GSS: variants seen among roughly 807,000 people sequenced by gnomAD.
The protein encoded by GSS is glutathione synthetase.
Under a neutral mutation model 60.4 loss-of-function variants are expected in GSS, and 34 were observed. The ratio of observed to expected loss-of-function variants is 0.56; its 90% confidence interval spans 0.43 to 0.75. GSS has a LOEUF of 0.75. GSS is among the 30% of genes least tolerant of loss of function. The probability of loss-of-function intolerance (pLI) is 0.00; values close to 1 mark genes in which losing one functional copy is unlikely to be tolerated. For missense variants in GSS, 499 were observed against 595.1 expected (o/e 0.84, Z 1.68); for synonymous variants, 224 against 239.0 (o/e 0.94, Z 0.58).
intron 5 of GSS, 135 bp from the exon 6 acceptor site, chr20:34,941,964 A>G (rs946879589): frequency 4.2e-6 from 3 of 721,928 alleles, no homozygotes; most frequent in Non-Finnish European, 7.7e-6. Context: ...ACATTCCTGT[A>G]AGATCCACTT....
intron 9 of GSS, among the ~76,000 whole-genome samples, chr20:34,933,085 A>G (rs542819017): frequency 7.2e-5 from 11 of 152,040 alleles, no homozygotes; most frequent in Admixed American, 2.6e-4. Flanking sequence ...AGCTCATGCA[A>G]TCCACCTACC....
intron 1 of GSS, 73 bp from the exon 2 acceptor site, chr20:34,951,933 G>A: frequency 2.0e-6 from 3 of 1,533,076 alleles, no homozygotes; most frequent in African/African-American, 2.7e-5. Flanking sequence ...CTGGCTGGCG[G>A]CCACCCCCAA....
chr20:34,955,502 C>A (rs1302328555), intron 1 of GSS: 2 of 152,402 alleles, frequency 1.3e-5, no homozygotes, highest in African/African-American at 4.8e-5. Flanking sequence ...GGCCTACATG[C>A]CCCGACACCG....
chr20:34,928,864 CG>C lies in GSS; in HGVS notation c.1388del (p.Ala463GlyfsTer49). ...AIEHADGGVAAGVAVLDNPYP... is the reference protein window; with the variant it reads ...AIEHADGGVAXGVAVLDNPYP... ...ATGGGTTGTCCAGGACTGCCACTCCCGCTGCCACACCACCATCTGCATGCTC... is the reference window on the plus strand; with the variant it reads ...ATGGGTTGTCCAGGACTGCCACTCCCCTGCCACACCACCATCTGCATGCTC... On this transcript the variant is annotated frameshift_variant, in exon 13 of 13. Coordinates refer to ENST00000651619, the MANE Select transcript of GSS (RefSeq NM_000178.4). LOFTEE classifies it high-confidence loss of function. The C allele has an allele frequency of 6.2e-7, 1 of 1,614,032 alleles. No homozygotes were observed. Among genetic ancestry groups the C allele is most frequent in the Non-Finnish European group, 8.5e-7 (1 of 1,180,018 alleles).
rs1296294384 is a variant in GSS at position 34,951,810 on chromosome 20, G to A, written c.43C>T (p.Leu15=). 6.2e-7 allele frequency: 1 copy of A among 1,614,178 alleles called. No individual in the cohort carries two copies. The highest frequency in any genetic ancestry group is 8.5e-7 in the Non-Finnish European group (1 of 1,180,002). ...ACGGCCTGCCGTGCCAGCTCCTCTA[G>A]CTGCTGTTTATCCTGCAAGAGGCTC... ...WGSLLQDKQQ[L]EELARQAVDR... The change falls in exon 2 of 13, where the codon CTA becomes TTA. Residue 15 remains leucine, a synonymous_variant. Coordinates refer to ENST00000651619, the MANE Select transcript of GSS (RefSeq NM_000178.4).
Position 34,937,043 on chromosome 20 carries a change from G to A in GSS, c.609-20C>T, listed in dbSNP as rs2081446608. Reference sequence around the variant, plus strand: ...AGAGCACTGGGGAAAGAGCACAGGTGGCCCGAGGCTACTATAGAACTTGTT... The same window carrying A: ...AGAGCACTGGGGAAAGAGCACAGGTAGCCCGAGGCTACTATAGAACTTGTT... On this transcript the variant is annotated intron_variant, in intron 6 of 12. Transcript: ENST00000651619. 6.3e-7 allele frequency: 1 copy of A among 1,576,300 alleles called. No individual in the cohort carries two copies. The highest frequency in any genetic ancestry group is 1.3e-5 in the African/African-American group (1 of 74,274).
chr20:34,931,605 G>T, intron 10 of GSS, 188 bp from the exon 11 acceptor site: 1 of 678,026 alleles, frequency 1.5e-6, no homozygotes. Context: ...CCGATGCAAT[G>T]AGAACAGGCC....
At chr20:34,953,592 T>C (rs926413799) in intron 1 of GSS, among the ~76,000 whole-genome samples, 3 of 150,850 alleles carry the variant, frequency 2.0e-5, no homozygotes, top group Admixed American at 6.6e-5. Context: ...TTTTCTTTCT[T>C]TCTCTCTCTC....
chr20:34,934,932 C>A (rs2081429458), intron 9 of GSS, among the ~76,000 whole-genome samples: 1 of 152,184 alleles, frequency 6.6e-6, no homozygotes, highest in Non-Finnish European at 1.5e-5. Context: ...GCTTCTTAGC[C>A]TCTCCATGAT....
chr20:34,929,379 G>C, intron 12 of GSS, 22 bp downstream of exon 12: 1 of 1,602,896 alleles, frequency 6.2e-7, no homozygotes, highest in Non-Finnish European at 8.5e-7. Flanking sequence ...GTAGTGGAAA[G>C]AGCTTCTCCT....
chr20:34,954,966 C>G (rs2081609032), intron 1 of GSS: 1 of 152,694 alleles, frequency 6.5e-6, no homozygotes, highest in Non-Finnish European at 1.5e-5. Flanking sequence ...ACTGTCATCT[C>G]TTCCCTGGGC....
chr20:34,931,815 C>A, intron 10 of GSS, 124 bp downstream of exon 10: 2 of 877,812 alleles, frequency 2.3e-6, no homozygotes, highest in Non-Finnish European at 1.9e-6. Context: ...TCCAGAGCAT[C>A]ACCAACCTTG....
chr20:34,932,069 T>C lies in GSS; in HGVS notation c.899A>G (p.Gln300Arg). 6.2e-7 allele frequency: 1 copy of C among 1,614,156 alleles called. No individual in the cohort carries two copies. Among genetic ancestry groups the C allele is most frequent in the South Asian group, 1.1e-5 (1 of 91,084 alleles). Residue 300 changes from glutamine (Q) to arginine (R), a missense_variant, in exon 10 of 13, where the codon CAG becomes CGG. Transcript: ENST00000651619. ...CTGCACCTTCTTAGTCCCAGCCAGCTGGGTGGCAATGTCTGGGCACTTGGC... is the reference window on the plus strand; with the variant it reads ...CTGCACCTTCTTAGTCCCAGCCAGCCGGGTGGCAATGTCTGGGCACTTGGC... ...HAAKCPDIAT[Q>R]LAGTKKVQQE...
chr20:34,936,503 A>G (rs1256098243), intron 8 of GSS, among the ~76,000 whole-genome samples: 1 of 152,214 alleles, frequency 6.6e-6, no homozygotes, highest in Non-Finnish European at 1.5e-5. Context: ...AGGAGAGGCA[A>G]GAAAACTTTT....
chr20:34,935,584 T>C lies in GSS; in HGVS notation c.826A>G (p.Ser276Gly), dbSNP rs992968304. The C allele has an allele frequency of 6.2e-6, 10 of 1,610,984 alleles. No individual in the cohort carries two copies. The highest frequency in any genetic ancestry group is 8.5e-6 in the Non-Finnish European group (10 of 1,177,196). ...TCACAGAAAATACCAACCTGTAGACTGTACTGACGAGGCATGTAGCCATCC... is the reference window on the plus strand; with the variant it reads ...TCACAGAAAATACCAACCTGTAGACCGTACTGACGAGGCATGTAGCCATCC... The part of the protein sequence containing the change: ...FRDGYMPRQY[S>G]LQNWEARLLL... The change falls in exon 9 of 13, where the codon AGT becomes GGT. Residue 276 changes from serine (S) to glycine (G), a missense_variant. By Grantham distance (56) the Ser-to-Gly change is moderately conservative. Transcript: ENST00000651619.
At position 34,936,364 on chromosome 20, in the gene GSS, C is replaced by T. The variant is rs554134423; in HGVS notation, c.767+399G>A. On this transcript the variant is annotated intron_variant, in intron 8 of 12. Transcript: ENST00000651619. ...GTGGCCCCTAGAGAAAAGGATAAGG[C>T]TTGGCTTGGAACACAAATCCAGGCT... 3.9e-5 allele frequency among the ~76,000 whole-genome samples: 6 copies of T among 152,296 alleles called. No homozygotes were observed. The South Asian group carries it at 1.2e-3, about 32-fold the overall frequency.
At chr20:34,948,572 T>A (rs928173553) in intron 2 of GSS, among the ~76,000 whole-genome samples, 15 of 152,010 alleles carry the variant, frequency 9.9e-5, no homozygotes, top group African/African-American at 3.6e-4. Flanking sequence ...GATCACAAGA[T>A]CAAGAGATCG....
At chr20:34,936,741 C>T (rs2081443325) in intron 8 of GSS, 22 bp downstream of exon 8, 1 of 1,561,564 alleles carries the variant, frequency 6.4e-7, no homozygotes, top group Non-Finnish European at 8.8e-7. Flanking sequence ...CAGCCTTCCA[C>T]TGGATTCTTG....
intron 6 of GSS, among the ~76,000 whole-genome samples, chr20:34,939,959 T>C (rs2081470009): frequency 6.6e-6 from 1 of 152,158 alleles, no homozygotes; most frequent in Non-Finnish European, 1.5e-5. Flanking sequence ...TGTGAGCCAC[T>C]GCACCCGGCC....
Sources: allele counts gnomAD v4.1 joint callset (sites outside exome capture counted in the v4.1 genomes callset), GRCh38; gene constraint gnomAD v4.1.1; transcripts MANE v1.5; gene names NCBI Gene and HGNC (gene_info 2026-07-23, HGNC 2026-07-21).